TEKT3: variants seen among roughly 807,000 people sequenced by gnomAD.
TEKT3 encodes the protein tektin-3.
TEKT3 carries 49 observed loss-of-function variants against 49.8 expected under a neutral mutation model. The ratio of observed to expected loss-of-function variants is 0.98; its 90% CI spans 0.78 to 1.25. The LOEUF (loss-of-function observed/expected upper bound fraction) is 1.25, where lower values mean the gene tolerates loss of function less well. TEKT3 is among the 50% of genes most tolerant of loss of function. The pLI, the probability that TEKT3 is intolerant of heterozygous loss-of-function variation, is 0.00. For synonymous variants in TEKT3, 225 were observed against 237.2 expected (o/e 0.95, Z 0.47); for missense variants, 595 against 629.5 (o/e 0.95, Z 0.59).
intron 1 of TEKT3, among the ~76,000 whole-genome samples, chr17:15,340,750 T>C (rs567411742): frequency 4.6e-5 from 7 of 152,314 alleles, no homozygotes. Context: ...ACTGGGTACA[T>C]GGATTCACCC....
At position 15,319,243 on chromosome 17, in the gene TEKT3, T is replaced by A. The variant is rs56396768; in HGVS notation, c.664-96A>T. The A allele has an allele frequency of 3.6e-3, 3,756 of 1,043,884 alleles. 95 individuals carry two copies. The African/African-American group carries it at 0.051, about 14-fold the overall frequency. The allele number at this position is 1,043,884 out of a possible 1,614,324, so 64.7% of individuals were successfully genotyped here. A position where few individuals can be genotyped will look rare whatever the true frequency, so the allele number is the denominator to read the frequency against. ...CAAACATCAATGAAGGAAAATTTTG[T>A]TTCTTAAAATACTGTGAAGTTAAAC... is the stretch of plus-strand genomic sequence containing the variant. On this transcript the variant is annotated intron_variant, in intron 4 of 8. Transcript: ENST00000395930.
At chr17:15,329,364 A>C (rs1233536959) in intron 3 of TEKT3, among the ~76,000 whole-genome samples, 1 of 152,264 alleles carries the variant, frequency 6.6e-6, no homozygotes. Context: ...CAAAAACTGC[A>C]GAAAAAATTC....
intron 4 of TEKT3, among the ~76,000 whole-genome samples, chr17:15,321,472 C>G (rs868667889): frequency 8.5e-5 from 13 of 152,078 alleles, no homozygotes; most frequent in Admixed American, 5.2e-4. Flanking sequence ...ATGGAGGTGG[C>G]CTTGAAATAC....
chr17:15,333,790 C>T lies in TEKT3; in HGVS notation c.-29-2176G>A, dbSNP rs1033453667. ...TATTTTTATTTTTTAGACAGAGTCT[C>T]GCTCTGTCGCCCAGGCTCCAGTGCA... is the stretch of plus-strand genomic sequence containing the variant. On this transcript the variant is annotated intron_variant, in intron 2 of 8. Coordinates refer to ENST00000395930, the MANE Select transcript of TEKT3 (RefSeq NM_031898.3). 1.3e-3 allele frequency among the ~76,000 whole-genome samples: 173 copies of T among 136,448 alleles called. 1 individual carries two copies. Among genetic ancestry groups the T allele is most frequent in the Middle Eastern group, 7.0e-3 (2 of 286 alleles). The allele number at this position is 136,448 out of a possible 152,430, so 89.5% of individuals were successfully genotyped here.
intron 8 of TEKT3, chr17:15,306,903 T>C (rs1389625237): frequency 6.6e-6 from 1 of 152,162 alleles, no homozygotes; most frequent in Non-Finnish European, 1.5e-5. Flanking sequence ...TAGGGGCCCA[T>C]GTAGTCTCTG....
At chr17:15,335,569 A>G (rs1017953019) in intron 2 of TEKT3, among the ~76,000 whole-genome samples, 1 of 152,230 alleles carries the variant, frequency 6.6e-6, no homozygotes, top group African/African-American at 2.4e-5. Flanking sequence ...AAAGATATCA[A>G]GCTAATCCAC....
intron 5 of TEKT3, among the ~76,000 whole-genome samples, chr17:15,316,950 GGAAGACCT>G: frequency 6.6e-6 from 1 of 152,086 alleles, no homozygotes; most frequent in Non-Finnish European, 1.5e-5. Flanking sequence ...GCCCAAGATG[GGAAGACCT>G]TGGCTGCCCT....
chr17:15,323,240 C>T (rs998503717), intron 4 of TEKT3, among the ~76,000 whole-genome samples: 1 of 152,206 alleles, frequency 6.6e-6, no homozygotes, highest in Non-Finnish European at 1.5e-5. Context: ...TCTCAACAAA[C>T]GTCTGAGGCT....
chr17:15,337,561 G>C (rs533912340), intron 2 of TEKT3, among the ~76,000 whole-genome samples: 1 of 152,148 alleles, frequency 6.6e-6, no homozygotes, highest in South Asian at 2.1e-4. Flanking sequence ...ATAAAAATAT[G>C]GGCTGGGCAC....
intron 2 of TEKT3, among the ~76,000 whole-genome samples, chr17:15,336,015 A>G (rs902682726): frequency 6.6e-6 from 1 of 152,168 alleles, no homozygotes; most frequent in Non-Finnish European, 1.5e-5. Context: ...GAGAGACAAA[A>G]ATATTTGAGG....
At chr17:15,342,681 A>C (rs552115943), upstream of TEKT3, among the ~76,000 whole-genome samples, 3 of 152,294 alleles carry the variant, frequency 2.0e-5, no homozygotes, top group Admixed American at 1.3e-4. Flanking sequence ...AAAAGTTAGA[A>C]TGCTGCCTCA....
chr17:15,304,169 T>G lies in TEKT3; in HGVS notation c.1257-17A>C. 6.2e-7 allele frequency: 1 copy of G among 1,613,762 alleles called. No individual in the cohort carries two copies. Among genetic ancestry groups the G allele is most frequent in the Non-Finnish European group, 8.5e-7 (1 of 1,179,744 alleles). Reference sequence around the variant, plus strand: ...TTAACAAGGCTGCAGCATAAAGGAATCAGCATGGTTAGGTCAGCATGTAGC... The same window carrying G: ...TTAACAAGGCTGCAGCATAAAGGAAGCAGCATGGTTAGGTCAGCATGTAGC... On this transcript the variant is annotated splice_polypyrimidine_tract_variant and intron_variant, in intron 8 of 8. Coordinates refer to ENST00000395930, the MANE Select transcript of TEKT3 (RefSeq NM_031898.3). The surrounding 1 kb of genome is among the most constrained non-coding windows in gnomAD (Gnocchi z 4.7).
intron 5 of TEKT3, among the ~76,000 whole-genome samples, chr17:15,314,506 G>T (rs1910919954): frequency 6.6e-6 from 1 of 152,170 alleles, no homozygotes; most frequent in Non-Finnish European, 1.5e-5. Context: ...AGGGGTCCAG[G>T]ATCTGCAGCC....
chr17:15,312,579 G>C, intron 6 of TEKT3, 98 bp from the exon 7 acceptor site: 1 of 1,052,286 alleles, frequency 9.5e-7, no homozygotes, highest in Non-Finnish European at 1.4e-6. Context: ...AAACCCCCAG[G>C]TCGCTGATCC....
chr17:15,308,567 C>G (rs1910633591), intron 8 of TEKT3, 97 bp downstream of exon 8: 14 of 1,487,316 alleles, frequency 9.4e-6, no homozygotes, highest in Non-Finnish European at 1.3e-5. Context: ...CTCCTACATG[C>G]TGCGTATGGG....
At chr17:15,317,977 C>CTTTTT (rs371718658) in intron 5 of TEKT3, among the ~76,000 whole-genome samples, 2 of 137,530 alleles carry the variant, frequency 1.5e-5, no homozygotes, top group African/African-American at 2.7e-5. Flanking sequence ...GGTCGGATCT[C>CTTTTT]TTTTTTTTTT....
Position 15,319,082 on chromosome 17 carries a change from T to C in TEKT3, c.729A>G (p.Gln243=), listed in dbSNP as rs1911141200. ...MKLHLDKAIA[Q]LAANRASQHE... is the part of the protein sequence containing the mutation. ...TAGAGACATAAAGCTCTTACGCAAGTTGGGCAATAGCCTTATCCAAATGTA... is the reference window on the plus strand; with the variant it reads ...TAGAGACATAAAGCTCTTACGCAAGCTGGGCAATAGCCTTATCCAAATGTA... The change falls in exon 5 of 9, where the codon CAA becomes CAG. Residue 243 remains glutamine (Q), a synonymous_variant. Coordinates refer to ENST00000395930, the MANE Select transcript of TEKT3 (RefSeq NM_031898.3). The C allele has an allele frequency of 6.2e-7, 1 of 1,611,220 alleles. No individual in the cohort carries two copies. The highest frequency in any genetic ancestry group is 1.3e-5 in the African/African-American group (1 of 74,846).
intron 5 of TEKT3, among the ~76,000 whole-genome samples, chr17:15,318,544 A>T (rs1450996601): frequency 1.3e-5 from 2 of 151,936 alleles, no homozygotes; most frequent in Non-Finnish European, 2.9e-5. Flanking sequence ...TTAAAAATAT[A>T]TTTTTCTTGA....
intron 8 of TEKT3, among the ~76,000 whole-genome samples, chr17:15,307,473 C>T (rs939582690): frequency 2.0e-5 from 3 of 152,200 alleles, no homozygotes; most frequent in Non-Finnish European, 4.4e-5. Context: ...GTGCTTAGGG[C>T]AGTGCCCAGC....
Sources: allele counts gnomAD v4.1 joint callset (sites outside exome capture counted in the v4.1 genomes callset), GRCh38; gene constraint gnomAD v4.1.1; non-coding constraint Gnocchi (gnomAD v3.1); transcripts MANE v1.5; gene names NCBI Gene and HGNC (gene_info 2026-07-23, HGNC 2026-07-21).